The following SOHLH2 variants were observed in gnomAD, a reference collection of about 807,000 sequenced individuals.
The protein encoded by SOHLH2 is spermatogenesis and oogenesis specific basic helix-loop-helix 2, also known as spermatogenesis- and oogenesis-specific basic helix-loop-helix-containing protein 2.
In SOHLH2, 22 loss-of-function variants were observed where a neutral mutation model predicts 50.4. That is an observed-to-expected ratio of 0.44 (90% CI 0.31 to 0.62). SOHLH2 has a LOEUF of 0.62. Ranked by LOEUF, SOHLH2 falls within the 20% of genes least tolerant of loss-of-function variation. The pLI is 0.08. For missense variants in SOHLH2, 412 were observed against 504.4 expected, an observed-to-expected ratio of 0.82 and a Z score of 1.76; for synonymous variants, 185 against 187.3, an observed-to-expected ratio of 0.99 and a Z score of 0.10.
chr13:36,201,377 C>T (rs1034860800), intron 2 of SOHLH2, among the ~76,000 whole-genome samples: 7 of 152,002 alleles, frequency 4.6e-5, no homozygotes, highest in African/African-American at 1.2e-4. Context: ...CATTCTAATC[C>T]GTACCTATTT....
intron 9 of SOHLH2, 146 bp downstream of exon 9, chr13:36,173,546 C>T: frequency 1.1e-6 from 1 of 924,296 alleles, no homozygotes; most frequent in South Asian, 1.7e-5. Flanking sequence ...CTGTAGCCAC[C>T]TTGTGTACCT....
At chr13:36,209,435 G>T (rs906147342) in intron 1 of SOHLH2, among the ~76,000 whole-genome samples, 1 of 152,068 alleles carries the variant, frequency 6.6e-6, no homozygotes, top group African/African-American at 2.4e-5. Context: ...TCAGCTCAGA[G>T]GTTGGGAAGT....
chr13:36,214,347 G>A, intron 1 of SOHLH2, 132 bp downstream of exon 1: 1 of 1,125,250 alleles, frequency 8.9e-7, no homozygotes, highest in Non-Finnish European at 1.3e-6. Flanking sequence ...GGCCCTTCCT[G>A]CTATTCGCTC....
intron 6 of SOHLH2, among the ~76,000 whole-genome samples, chr13:36,180,984 T>C (rs1181807047): frequency 2.0e-5 from 3 of 152,158 alleles, no homozygotes; most frequent in South Asian, 2.1e-4. Flanking sequence ...TCTCCAGCAA[T>C]TGTTTTAAAA....
chr13:36,179,381 C>T (rs1887185100), intron 6 of SOHLH2, among the ~76,000 whole-genome samples: 1 of 151,794 alleles, frequency 6.6e-6, no homozygotes, highest in Non-Finnish European at 1.5e-5. Flanking sequence ...GGTTTTTCTC[C>T]TTTATTCTGT....
At chr13:36,170,910 T>C (rs1043946806) in intron 9 of SOHLH2, 123 bp from the exon 10 acceptor site, 4 of 1,427,454 alleles carry the variant, frequency 2.8e-6, no homozygotes, top group Non-Finnish European at 2.8e-6. Flanking sequence ...TACTACCTGC[T>C]ACACCCGAAT....
chr13:36,192,697 T>C (rs553731780), intron 4 of SOHLH2, among the ~76,000 whole-genome samples: 2 of 152,220 alleles, frequency 1.3e-5, no homozygotes, highest in African/African-American at 4.8e-5. Flanking sequence ...CTTGAGTTGA[T>C]AATATACATA....
chr13:36,190,467 C>T (rs140039640), intron 5 of SOHLH2, among the ~76,000 whole-genome samples: 34 of 152,266 alleles, frequency 2.2e-4, no homozygotes, highest in South Asian at 4.1e-4. Flanking sequence ...ACCAGCAAAG[C>T]GCAGGTTCCC....
chr13:36,173,667 G>C (rs1279658349), intron 9 of SOHLH2, 25 bp downstream of exon 9: 1 of 1,612,036 alleles, frequency 6.2e-7, no homozygotes, highest in East Asian at 2.2e-5. Context: ...CCCTCTAAGT[G>C]GCACAGATGC....
intron 2 of SOHLH2, 45 bp from the exon 3 acceptor site, chr13:36,193,912 C>CA: frequency 1.3e-6 from 2 of 1,562,846 alleles, no homozygotes; most frequent in South Asian, 2.4e-5. Flanking sequence ...AATCATTATT[C>CA]AAAAAATTGA....
intron 6 of SOHLH2, among the ~76,000 whole-genome samples, chr13:36,186,793 CAG>C (rs1887431881): frequency 6.6e-6 from 1 of 152,080 alleles, no homozygotes; most frequent in Non-Finnish European, 1.5e-5. Flanking sequence ...ATGCGAGTAT[CAG>C]AGAAAAAAAT....
At chr13:36,199,268 T>C (rs1407155747) in intron 2 of SOHLH2, among the ~76,000 whole-genome samples, 6 of 151,102 alleles carry the variant, frequency 4.0e-5, no homozygotes, top group Non-Finnish European at 8.8e-5. Context: ...GAGACATTCA[T>C]AGCCTCTGAG....
chr13:36,190,981 G>A (rs1443373024), intron 5 of SOHLH2, among the ~76,000 whole-genome samples: 1 of 152,158 alleles, frequency 6.6e-6, no homozygotes, highest in African/African-American at 2.4e-5. Flanking sequence ...TTCTGGAAGT[G>A]ACTAACTTAA....
intron 1 of SOHLH2, among the ~76,000 whole-genome samples, chr13:36,207,718 T>C (rs1318594891): frequency 6.6e-6 from 1 of 152,188 alleles, no homozygotes; most frequent in Non-Finnish European, 1.5e-5. Flanking sequence ...GTCTCCTAGT[T>C]TCTTCTAATA....
intron 6 of SOHLH2, among the ~76,000 whole-genome samples, chr13:36,187,260 A>C (rs920926713): frequency 1.3e-4 from 20 of 152,228 alleles, no homozygotes; most frequent in African/African-American, 4.8e-4. Context: ...GGACCAATAA[A>C]GGATTCCCAC....
rs556122004 is a variant in SOHLH2, at chr13:36,189,529, G to A, written c.641+417C>T. 7.9e-5 allele frequency among the ~76,000 whole-genome samples: 12 copies of A among 152,182 alleles called. No individual in the cohort carries two copies. The East Asian group carries it at 2.1e-3, about 27-fold the overall frequency. ...ATTTCCAAACCAAATTAATTGCAACGTGTGGAAAGCTCAATTTAGCTACTG... is the reference window on the plus strand; with the variant it reads ...ATTTCCAAACCAAATTAATTGCAACATGTGGAAAGCTCAATTTAGCTACTG... On this transcript the variant is annotated intron_variant, in intron 6 of 10. Coordinates refer to ENST00000379881, the MANE Select transcript of SOHLH2 (RefSeq NM_017826.3).
chr13:36,202,698 T>C (rs1040516043), intron 1 of SOHLH2, among the ~76,000 whole-genome samples: 1 of 152,222 alleles, frequency 6.6e-6, no homozygotes, highest in Non-Finnish European at 1.5e-5. Context: ...TTCTGTATGT[T>C]TTATTCTCTA....
At chr13:36,182,011 GTAGTT>G in intron 6 of SOHLH2, 1 of 965,834 alleles carries the variant, frequency 1.0e-6, no homozygotes, top group Non-Finnish European at 1.2e-6. Flanking sequence ...ACATTAAAGG[GTAGTT>G]TTCTAATTTA....
intron 2 of SOHLH2, among the ~76,000 whole-genome samples, chr13:36,195,065 C>G (rs1339195077): frequency 6.6e-6 from 1 of 152,098 alleles, no homozygotes; most frequent in Admixed American, 6.5e-5. Flanking sequence ...AGACAAGGTT[C>G]CTGCTCTCAC....
Sources: gnomAD v4.1 joint callset for allele counts (sites outside exome capture counted in the v4.1 genomes callset) on GRCh38, gnomAD v4.1.1 for gene constraint, MANE v1.5 for transcripts, NCBI Gene and HGNC (gene_info 2026-07-23, HGNC 2026-07-21) for gene names.